The following PIP4K2C variants were observed in gnomAD, a reference collection of about 807,000 sequenced individuals.
The protein encoded by PIP4K2C is phosphatidylinositol 5-phosphate 4-kinase type-2 gamma.
A neutral mutation model predicts 45.0 loss-of-function variants in PIP4K2C; 21 were observed. The ratio of observed to expected loss-of-function variants is 0.47; its 90% confidence interval spans 0.33 to 0.67. The LOEUF is 0.67. Among genes scored for constraint, PIP4K2C ranks in the 30% least tolerant of loss-of-function variants. PIP4K2C has a pLI of 0.02. For missense variants in PIP4K2C, 456 were observed against 542.8 expected (o/e 0.84, Z 1.59); for synonymous variants, 201 against 204.8 (o/e 0.98, Z 0.16).
At position 57,603,259 on chromosome 12, in the gene PIP4K2C, T is replaced by G. The variant is rs1883524982; in HGVS notation, c.*1653T>G. On this transcript the variant is annotated 3_prime_UTR_variant, in exon 10 of 10. Transcript: ENST00000354947. ...CTGTGACACCAGCAACCATTGCTCT[T>G]TAGAAATGGGTTTTCTGATCATATG... The G allele has an allele frequency of 2.0e-5, 3 of 152,672 alleles. No individual in the cohort carries two copies. 9.5% of individuals were successfully genotyped at this position (152,672 alleles called of 1,614,324 possible).
intron 4 of PIP4K2C, among the ~76,000 whole-genome samples, 187 bp from the exon 5 acceptor site, chr12:57,598,878 A>G (rs112806917): frequency 6.6e-6 from 1 of 152,188 alleles, no homozygotes; most frequent in Non-Finnish European, 1.5e-5. Context: ...ATCAGAGGAA[A>G]GGGGGATTCA....
chr12:57,599,256 C>T (rs757137587), intron 5 of PIP4K2C, 45 bp downstream of exon 5: 26 of 1,610,604 alleles, frequency 1.6e-5, no homozygotes, highest in Admixed American at 1.2e-4. Context: ...TCCTGATAGC[C>T]TGAGAATGGG....
intron 1 of PIP4K2C, among the ~76,000 whole-genome samples, chr12:57,593,677 T>A (rs1883062679): frequency 8.9e-4 from 8 of 8,940 alleles, no homozygotes; most frequent in East Asian, 4.2e-3. Context: ...CTTGCAGAGT[T>A]TTTTTTTTTT....
Position 57,602,995 on chromosome 12 carries a change from G to C in PIP4K2C, c.*1389G>C, listed in dbSNP as rs997415218. On this transcript the variant is annotated 3_prime_UTR_variant, in exon 10 of 10. Coordinates refer to ENST00000354947, the MANE Select transcript of PIP4K2C (RefSeq NM_024779.5). The stretch of plus-strand genomic sequence containing the variant: ...GACATAAAGCTGGGCATCAGCAACT[G>C]GCCTGTGGTGATGCAAAGCTGCTTT... The C allele has an allele frequency of 1.3e-5, 2 of 151,860 alleles. No individual in the cohort carries two copies. The highest frequency in any genetic ancestry group is 2.9e-5 in the Non-Finnish European group (2 of 67,980). The allele number at this position is 151,860 out of a possible 1,614,324, so 9.4% of individuals were successfully genotyped here.
Position 57,596,031 on chromosome 12 carries a change from G to C in PIP4K2C, c.513G>C (p.Gln171His). Residue 171 changes from glutamine (Q) to histidine (H), a missense_variant and splice_region_variant, in exon 4 of 10, where the codon CAG becomes CAC. By Grantham distance (24) the Gln-to-His change is conservative. Transcript: ENST00000354947. ...ATAGCAACCTCTCCAACTATCACCA[G>C]GTCAGGCCTCTCTCTAGCCCCATTC... ...DMHSNLSNYHQYIVKCHGNTL... is the reference protein window; with the variant it reads ...DMHSNLSNYHHYIVKCHGNTL... 3 of 1,613,380 alleles carry C rather than the reference G, an allele frequency of 1.9e-6. No homozygotes were observed. The highest frequency in any genetic ancestry group is 1.7e-6 in the Non-Finnish European group (2 of 1,179,324).
rs762627273 is a variant in PIP4K2C at position 57,600,812 on chromosome 12, T to G, written c.815T>G (p.Phe272Cys). 1 of 1,613,958 alleles carries G rather than the reference T, an allele frequency of 6.2e-7. No individual in the cohort carries two copies. Among genetic ancestry groups the G allele is most frequent in the Admixed American group, 1.7e-5 (1 of 60,014 alleles). Reference sequence around the variant, plus strand: ...GTCTGATTTGTCAGTGGGTCTCAGTTTCTAGTGCAGCTGAAGATCATGGAC... The same window carrying G: ...GTCTGATTTGTCAGTGGGTCTCAGTGTCTAGTGCAGCTGAAGATCATGGAC... ...FLEKLKRDVE[F>C]LVQLKIMDYS... The change falls in exon 8 of 10, where the codon TTT becomes TGT. Residue 272 changes from phenylalanine to cysteine, a missense_variant and splice_region_variant. Transcript: ENST00000354947.
rs1429998856 is a variant in PIP4K2C at position 57,594,126 on chromosome 12, A to G, written c.272+4A>G. The G allele has an allele frequency of 1.2e-6, 2 of 1,608,530 alleles. No individual in the cohort carries two copies. Among genetic ancestry groups the G allele is most frequent in the Non-Finnish European group, 1.7e-6 (2 of 1,176,736 alleles). On this transcript the variant is annotated splice_donor_region_variant and intron_variant, in intron 2 of 9. Transcript: ENST00000354947. Reference sequence around the variant, plus strand: ...TCAACAATCACCTTTTCCACAGGTAAGTGATGATCCTTGCCATTCTCATGT... The same window carrying G: ...TCAACAATCACCTTTTCCACAGGTAGGTGATGATCCTTGCCATTCTCATGT...
rs1865211408 is a variant in PIP4K2C, at chr12:57,595,936, C to T, written c.418C>T (p.Arg140Cys). 6.2e-7 allele frequency: 1 copy of T among 1,613,904 alleles called. No individual in the cohort carries two copies. The highest frequency in any genetic ancestry group is 1.1e-5 in the South Asian group (1 of 91,074). The stretch of plus-strand genomic sequence containing the variant: ...CAGCGAAAGTGAAGGCAGTGATGGT[C>T]GCTTCCTTATCTCCTACGATCGGAC... ...PPSESEGSDG[R>C]FLISYDRTLV... The change falls in exon 4 of 10, where the codon CGC (arginine) becomes TGC (cysteine). Residue 140 changes from arginine (R) to cysteine (C), a missense_variant. Arg to Cys is a radical substitution (Grantham distance 180). Transcript: ENST00000354947.
At chr12:57,592,445 C>G (rs1167894405) in intron 1 of PIP4K2C, among the ~76,000 whole-genome samples, 1 of 152,208 alleles carries the variant, frequency 6.6e-6, no homozygotes, top group Non-Finnish European at 1.5e-5. Flanking sequence ...CGTTTTGTCA[C>G]ATTTTTAATT....
chr12:57,599,025 A>G (rs757740928), intron 4 of PIP4K2C, 40 bp from the exon 5 acceptor site: 21 of 1,603,576 alleles, frequency 1.3e-5, no homozygotes, highest in South Asian at 1.2e-4. Flanking sequence ...TGTATCTGCT[A>G]CTCAGCCTCT....
Position 57,595,884 on chromosome 12 carries a change from C to T in PIP4K2C, c.370-4C>T. 1 of 1,613,894 alleles carries T rather than the reference C, an allele frequency of 6.2e-7. No homozygotes were observed. The highest frequency in any genetic ancestry group is 8.5e-7 in the Non-Finnish European group (1 of 1,179,936). On this transcript the variant is annotated splice_polypyrimidine_tract_variant and splice_region_variant and intron_variant, in intron 3 of 9. Coordinates refer to ENST00000354947, the MANE Select transcript of PIP4K2C (RefSeq NM_024779.5). Reference sequence around the variant, plus strand: ...AAGAGCTCTGGCCTATTCTGTGTCCCCAGGTGTCCCTTACCCGAAACCCCC... The same window carrying T: ...AAGAGCTCTGGCCTATTCTGTGTCCTCAGGTGTCCCTTACCCGAAACCCCC...
chr12:57,595,822 T>G, intron 3 of PIP4K2C, 66 bp from the exon 4 acceptor site: 2 of 1,565,542 alleles, frequency 1.3e-6, no homozygotes, highest in Non-Finnish European at 8.8e-7. Context: ...GCTGACCATT[T>G]TCCTATGACT....
In PIP4K2C at chr12:57,591,572, C is replaced by T. The variant is rs1045452904; in HGVS notation, c.174+109C>T. On this transcript the variant is annotated intron_variant, in intron 1 of 9. Transcript: ENST00000354947. ...AGCCCCACGCAGTGCCACTCCCCTC[C>T]CCCGGGTTGTCTTGGTCCCTGCCCA... 1.3e-5 allele frequency: 17 copies of T among 1,313,176 alleles called. No homozygotes were observed. In the South Asian group the frequency reaches 2.2e-4, roughly 17 times the overall value. The allele number at this position is 1,313,176 out of a possible 1,614,324, so 81.3% of individuals were successfully genotyped here.
chr12:57,600,069 AG>A (rs1883362808), intron 6 of PIP4K2C, among the ~76,000 whole-genome samples: 2 of 151,618 alleles, frequency 1.3e-5, no homozygotes, highest in African/African-American at 2.4e-5. Context: ...AAAAAAAAAA[AG>A]AGGAGAAAGA....
Position 57,601,642 on chromosome 12 carries a change from G to A in PIP4K2C, c.*36G>A, listed in dbSNP as rs553314590. 6.5e-7 allele frequency: 1 copy of A among 1,535,402 alleles called. No homozygotes were observed. Among genetic ancestry groups the A allele is most frequent in the South Asian group, 1.1e-5 (1 of 89,426 alleles). On this transcript the variant is annotated 3_prime_UTR_variant, in exon 10 of 10. Coordinates refer to ENST00000354947, the MANE Select transcript of PIP4K2C (RefSeq NM_024779.5). ...GGTTCTCTCTGATGTTCAAGGTGGT[G>A]GGGTTCTGAGACACTTGGGGGAATT...
intron 1 of PIP4K2C, among the ~76,000 whole-genome samples, chr12:57,591,899 A>G (rs1479609021): frequency 6.6e-6 from 1 of 151,652 alleles, no homozygotes; most frequent in African/African-American, 2.4e-5. Flanking sequence ...TTTGCTTTCC[A>G]CCTTGCTTCC....
In PIP4K2C at chr12:57,600,981, C is replaced by T; in HGVS notation, c.984C>T (p.Ser328=). 1 of 1,614,198 alleles carries T rather than the reference C, an allele frequency of 6.2e-7. No individual in the cohort carries two copies. The highest frequency in any genetic ancestry group is 8.5e-7 in the Non-Finnish European group (1 of 1,180,036). The change falls in exon 8 of 10, where the codon TCC becomes TCT. Residue 328 remains serine (S), a synonymous_variant. Coordinates refer to ENST00000354947, the MANE Select transcript of PIP4K2C (RefSeq NM_024779.5). ...CTCTGGTGGGCTCCTATGGCACCTC[C>T]CCAGAGGGTATCGGAGGCTACATCC... is the stretch of plus-strand genomic sequence containing the variant. ...PPALVGSYGT[S]PEGIGGYIHS...
At position 57,595,904 on chromosome 12, in the gene PIP4K2C, A is replaced by C. The variant is rs1262405098; in HGVS notation, c.386A>C (p.Asn129Thr). The change falls in exon 4 of 10, where the codon AAC becomes ACC. Residue 129 changes from asparagine (N) to threonine (T), a missense_variant. Asn to Thr is a moderately conservative substitution (Grantham distance 65). Transcript: ENST00000354947. Reference sequence around the variant, plus strand: ...TGTCCCCAGGTGTCCCTTACCCGAAACCCCCCCAGCGAAAGTGAAGGCAGT... The same window carrying C: ...TGTCCCCAGGTGTCCCTTACCCGAACCCCCCCCAGCGAAAGTGAAGGCAGT... ...DQDYLVSLTR[N>T]PPSESEGSDG... The C allele has an allele frequency of 1.2e-5, 19 of 1,612,702 alleles. No homozygotes were observed. The highest frequency in any genetic ancestry group is 2.5e-6 in the Non-Finnish European group (3 of 1,179,692).
intron 7 of PIP4K2C, 112 bp from the exon 8 acceptor site, chr12:57,600,699 T>C: frequency 1.4e-6 from 2 of 1,395,178 alleles, no homozygotes; most frequent in Non-Finnish European, 2.0e-6. Flanking sequence ...AACCTCAATT[T>C]TTATACTTCC....
Sources: gnomAD v4.1 joint callset for allele counts (sites outside exome capture counted in the v4.1 genomes callset) on GRCh38, gnomAD v4.1.1 for gene constraint, MANE v1.5 for transcripts, NCBI Gene and HGNC (gene_info 2026-07-23, HGNC 2026-07-21) for gene names.